CNTNAP2: variants seen among roughly 807,000 people sequenced by gnomAD.
The protein encoded by CNTNAP2 is contactin associated protein 2.
A neutral mutation model predicts 155.2 loss-of-function variants in CNTNAP2; 98 were observed. The ratio of observed to expected loss-of-function variants is 0.63; its 90% CI spans 0.54 to 0.75. CNTNAP2 has a LOEUF of 0.75. Among genes scored for constraint, CNTNAP2 ranks in the 30% least tolerant of loss-of-function variants. CNTNAP2 has a pLI of 0.00. For synonymous variants in CNTNAP2, 651 were observed against 631.2 expected (o/e 1.03, Z -0.47); for missense variants, 1,727 against 1,688.1 (o/e 1.02, Z -0.40).
chr7:147,101,581 A>G (rs1348569949), intron 4 of CNTNAP2, among the ~76,000 whole-genome samples: 3 of 152,140 alleles, frequency 2.0e-5, no homozygotes, highest in South Asian at 2.1e-4. Context: ...ATCAGGTCAC[A>G]TGGACTTGAA....
chr7:147,564,760 A>C lies in CNTNAP2; in HGVS notation c.1897+2503A>C, dbSNP rs983957373. On this transcript the variant is annotated intron_variant, in intron 12 of 23. Coordinates refer to ENST00000361727, the MANE Select transcript of CNTNAP2 (RefSeq NM_014141.6). The stretch of plus-strand genomic sequence containing the variant: ...CTTATCTTCATCAATATCTCCCTTA[A>C]ACAGCATGGCTGCAATTTAACTCAG... 2.0e-5 allele frequency among the ~76,000 whole-genome samples: 3 copies of C among 152,194 alleles called. No individual in the cohort carries two copies. In the East Asian group the frequency reaches 5.8e-4, roughly 29 times the overall value.
chr7:147,137,477 C>T (rs1264252750), intron 8 of CNTNAP2, among the ~76,000 whole-genome samples: 1 of 151,416 alleles, frequency 6.6e-6, no homozygotes, highest in African/African-American at 2.4e-5. Context: ...CAATTGTTCT[C>T]AGAAGTCAAA....
rs114958994 is a variant in CNTNAP2, at chr7:146,499,606, C to T, written c.98-274665C>T. Among the ~76,000 whole-genome samples, 664 of 152,088 alleles carry T rather than the reference C, an allele frequency of 4.4e-3. 7 individuals carry two copies. Among genetic ancestry groups the T allele is most frequent in the African/African-American group, 0.015 (623 of 41,478 alleles). On this transcript the variant is annotated intron_variant, in intron 1 of 23. Transcript: ENST00000361727. ...CCCTCCCCTTCCTCCCCCCACACCC[C>T]GAAGGCCCTAGTGTGTGATCTTCCC... is the stretch of plus-strand genomic sequence containing the variant.
intron 2 of CNTNAP2, among the ~76,000 whole-genome samples, chr7:146,778,429 G>T (rs1802427225): frequency 6.6e-6 from 1 of 152,128 alleles, no homozygotes; most frequent in Non-Finnish European, 1.5e-5. Flanking sequence ...AAATCCATGC[G>T]TAATTCTGAC....
chr7:147,354,458 T>A (rs2116884555), intron 9 of CNTNAP2, among the ~76,000 whole-genome samples: 1 of 152,266 alleles, frequency 6.6e-6, no homozygotes, highest in East Asian at 1.9e-4. Flanking sequence ...ATGTGTGGTG[T>A]CATTTCTGAG....
At chr7:148,332,508 T>A (rs1188443110) in intron 21 of CNTNAP2, among the ~76,000 whole-genome samples, 1 of 152,172 alleles carries the variant, frequency 6.6e-6, no homozygotes, top group East Asian at 1.9e-4. Context: ...TTTATAAAAA[T>A]CTTGACCCAG....
intron 10 of CNTNAP2, among the ~76,000 whole-genome samples, chr7:147,398,700 G>A (rs893576757): frequency 7.2e-6 from 1 of 138,676 alleles, no homozygotes; most frequent in Admixed American, 8.0e-5. Flanking sequence ...AGCTTGCCAA[G>A]CTACAGAATT....
intron 1 of CNTNAP2, among the ~76,000 whole-genome samples, chr7:146,670,556 A>G (rs555351165): frequency 4.6e-5 from 7 of 152,324 alleles, no homozygotes; most frequent in Non-Finnish European, 5.9e-5. Flanking sequence ...GCTTTATTTC[A>G]TAATAAAACA....
At chr7:146,828,690 T>TAA (rs1215538417) in intron 2 of CNTNAP2, among the ~76,000 whole-genome samples, 1 of 152,042 alleles carries the variant, frequency 6.6e-6, no homozygotes, top group Non-Finnish European at 1.5e-5. Context: ...TTCAGGACAT[T>TAA]AAAAAAATAA....
intron 15 of CNTNAP2, among the ~76,000 whole-genome samples, chr7:148,077,275 C>T (rs1803506074): frequency 6.6e-6 from 1 of 151,602 alleles, no homozygotes; most frequent in Non-Finnish European, 1.5e-5. Context: ...CCATTGCACT[C>T]CAGCCTGGGC....
chr7:146,582,624 A>G (rs1465373649), intron 1 of CNTNAP2, among the ~76,000 whole-genome samples: 2 of 152,110 alleles, frequency 1.3e-5, no homozygotes, highest in African/African-American at 2.4e-5. Flanking sequence ...AACTCTAGAA[A>G]GCCTTATGCA....
intron 21 of CNTNAP2, among the ~76,000 whole-genome samples, chr7:148,321,158 G>A (rs575057663): frequency 1.2e-4 from 18 of 152,312 alleles, no homozygotes; most frequent in African/African-American, 3.8e-4. Flanking sequence ...GAAGAACCAG[G>A]TTAAGGAATT....
chr7:148,117,602 C>T (rs993488131), intron 15 of CNTNAP2, among the ~76,000 whole-genome samples: 4 of 152,100 alleles, frequency 2.6e-5, no homozygotes, highest in Non-Finnish European at 5.9e-5. Flanking sequence ...TGAGGTTTAT[C>T]TCAGATGCTG....
chr7:146,942,751 C>A (rs1797080973), intron 3 of CNTNAP2, among the ~76,000 whole-genome samples: 1 of 152,062 alleles, frequency 6.6e-6, no homozygotes, highest in South Asian at 2.1e-4. Flanking sequence ...ATGTATAATG[C>A]CAATGTTAGT....
At chr7:147,486,438 T>C (rs949024545) in intron 11 of CNTNAP2, among the ~76,000 whole-genome samples, 1 of 152,160 alleles carries the variant, frequency 6.6e-6, no homozygotes, top group African/African-American at 2.4e-5. Context: ...CACAGGGTAA[T>C]TGGAACATTT....
At chr7:146,480,157 A>G (rs923983572) in intron 1 of CNTNAP2, among the ~76,000 whole-genome samples, 5 of 152,210 alleles carry the variant, frequency 3.3e-5, no homozygotes, top group African/African-American at 7.2e-5. Flanking sequence ...TCGTAGAATC[A>G]TCTCCTCCTG....
intron 4 of CNTNAP2, chr7:147,097,420 T>C (rs772298020): frequency 3.3e-5 from 5 of 152,246 alleles, no homozygotes; most frequent in Non-Finnish European, 5.9e-5. Context: ...GAAAGAGGTT[T>C]AATGGACTTA....
intron 3 of CNTNAP2, among the ~76,000 whole-genome samples, chr7:146,868,448 C>T (rs1156589085): frequency 1.3e-5 from 2 of 152,068 alleles, no homozygotes; most frequent in Admixed American, 6.6e-5. Context: ...AGTTGGGCAA[C>T]GTGAGGCCTC....
chr7:146,981,004 T>C (rs1798005085), intron 3 of CNTNAP2, among the ~76,000 whole-genome samples: 1 of 152,148 alleles, frequency 6.6e-6, no homozygotes, highest in South Asian at 2.1e-4. Flanking sequence ...TCATATTCCC[T>C]AGGCACAAGG....
Sources: allele counts gnomAD v4.1 joint callset (sites outside exome capture counted in the v4.1 genomes callset), GRCh38; gene constraint gnomAD v4.1.1; transcripts MANE v1.5; gene names NCBI Gene and HGNC (gene_info 2026-07-23, HGNC 2026-07-21).